The following ZMYM4 variants were observed in gnomAD, a reference collection of about 807,000 sequenced individuals.
ZMYM4 encodes the protein zinc finger MYM-type protein 4.
Under a neutral mutation model 183.2 loss-of-function variants are expected in ZMYM4, and 31 were observed. The ratio of observed to expected loss-of-function variants is 0.17; its 90% CI spans 0.13 to 0.23. The LOEUF (loss-of-function observed/expected upper bound fraction) is 0.23, where lower values mean the gene tolerates loss of function less well. ZMYM4 is among the 10% of genes least tolerant of loss of function. ZMYM4 has a pLI of 1.00. For missense variants in ZMYM4, 1,273 were observed against 1,840.3 expected (o/e 0.69, Z 5.64); for synonymous variants, 592 against 631.2 (o/e 0.94, Z 0.93).
At chr1:35,376,862 A>G (rs1644346002) in intron 7 of ZMYM4, among the ~76,000 whole-genome samples, 2 of 151,818 alleles carry the variant, frequency 1.3e-5, no homozygotes, top group African/African-American at 2.4e-5. Context: ...ACAGTATTTT[A>G]TAAAATATTT....
chr1:35,361,175 T>TG lies in ZMYM4; in HGVS notation c.608-19_608-18insG. 6.3e-7 allele frequency: 1 copy of TG among 1,575,270 alleles called. No homozygotes were observed. The highest frequency in any genetic ancestry group is 8.6e-7 in the Non-Finnish European group (1 of 1,164,954). On this transcript the variant is annotated intron_variant, in intron 3 of 29. Coordinates refer to ENST00000314607, the MANE Select transcript of ZMYM4 (RefSeq NM_005095.3). ...ATTCATATACATGTGTTTGTTTGTT[T>TG]TTTTTTTCCTTTCAATAGCTAATCA...
intron 1 of ZMYM4, among the ~76,000 whole-genome samples, chr1:35,280,465 A>G (rs1220559072): frequency 2.6e-5 from 4 of 152,080 alleles, no homozygotes; most frequent in Admixed American, 2.6e-4. Context: ...ATATTAAAGC[A>G]GCACTCCACT....
At chr1:35,381,100 T>G (rs941951341) in intron 7 of ZMYM4, among the ~76,000 whole-genome samples, 159 bp from the exon 8 acceptor site, 1 of 152,190 alleles carries the variant, frequency 6.6e-6, no homozygotes, top group African/African-American at 2.4e-5. Flanking sequence ...TCAAAGCAAT[T>G]TTTAAGTGTC....
intron 5 of ZMYM4, among the ~76,000 whole-genome samples, chr1:35,368,855 C>A (rs1486526314): frequency 1.3e-5 from 2 of 152,046 alleles, no homozygotes; most frequent in Non-Finnish European, 2.9e-5. Context: ...AGGAAAAAAT[C>A]AGTAATACTG....
chr1:35,331,499 G>GT (rs1328394204), intron 2 of ZMYM4, among the ~76,000 whole-genome samples: 4 of 151,936 alleles, frequency 2.6e-5, no homozygotes, highest in African/African-American at 4.8e-5. Flanking sequence ...TAAAATTGTG[G>GT]TGTCAGTCAG....
chr1:35,404,841 C>A, intron 23 of ZMYM4, 182 bp from the exon 24 acceptor site: 1 of 504,216 alleles, frequency 2.0e-6, no homozygotes, highest in Middle Eastern at 5.4e-4. Context: ...TTCTTCCTTC[C>A]TCATATGGAT....
chr1:35,319,908 A>G (rs1260384117), intron 1 of ZMYM4, among the ~76,000 whole-genome samples: 1 of 152,242 alleles, frequency 6.6e-6, no homozygotes, highest in Non-Finnish European at 1.5e-5. Flanking sequence ...TTTTAAATAA[A>G]CAAGTTTCAA....
chr1:35,404,842 T>G (rs765193686), intron 23 of ZMYM4, 181 bp from the exon 24 acceptor site: 8 of 510,384 alleles, frequency 1.6e-5, no homozygotes, highest in Non-Finnish European at 2.6e-5. Context: ...TCTTCCTTCC[T>G]CATATGGATT....
chr1:35,362,700 T>C (rs1643966886), intron 5 of ZMYM4, among the ~76,000 whole-genome samples: 1 of 152,144 alleles, frequency 6.6e-6, no homozygotes, highest in African/African-American at 2.4e-5. Context: ...TCTTTCTTTT[T>C]GTTTTTTCTC....
chr1:35,324,664 A>G (rs1268964199), intron 1 of ZMYM4, among the ~76,000 whole-genome samples: 1 of 152,178 alleles, frequency 6.6e-6, no homozygotes, highest in Non-Finnish European at 1.5e-5. Flanking sequence ...ACAGTAGGCA[A>G]GGTTTATCAA....
chr1:35,351,236 C>G, intron 2 of ZMYM4: 2 of 1,507,164 alleles, frequency 1.3e-6, no homozygotes, highest in Non-Finnish European at 9.2e-7. Context: ...GCTTGTCTGT[C>G]CCTCACAGTA....
In ZMYM4 at chr1:35,389,598, C is replaced by G. The variant is rs1239491797; in HGVS notation, c.2437-350C>G. 6.6e-6 allele frequency among the ~76,000 whole-genome samples: 1 copy of G among 151,590 alleles called. No homozygotes were observed. The highest frequency in any genetic ancestry group is 2.4e-5 in the African/African-American group (1 of 41,298). On this transcript the variant is annotated intron_variant, in intron 14 of 29. Transcript: ENST00000314607. The surrounding 1 kb of genome is among the most constrained non-coding windows in gnomAD (Gnocchi z 4.0). ...TGAAACCCCGTCTCTACTAAAAATACAAAAAAATTAGCTGGGTGTGGTGGC... is the reference window on the plus strand; with the variant it reads ...TGAAACCCCGTCTCTACTAAAAATAGAAAAAAATTAGCTGGGTGTGGTGGC...
chr1:35,357,779 G>A (rs142254098), intron 2 of ZMYM4, among the ~76,000 whole-genome samples: 64 of 152,202 alleles, frequency 4.2e-4, no homozygotes, highest in East Asian at 5.8e-4. Context: ...ATAGACATCC[G>A]AAATCTTATA....
chr1:35,401,763 A>G (rs557576430), intron 23 of ZMYM4, among the ~76,000 whole-genome samples: 1 of 152,180 alleles, frequency 6.6e-6, no homozygotes, highest in East Asian at 1.9e-4. Flanking sequence ...TTTGTGATCT[A>G]TTTTGAGGTA....
intron 1 of ZMYM4, among the ~76,000 whole-genome samples, chr1:35,288,769 G>A (rs1276994387): frequency 6.6e-6 from 1 of 152,156 alleles, no homozygotes; most frequent in Non-Finnish European, 1.5e-5. Context: ...TCAGAAGCAG[G>A]TTGAAATCTG....
intron 2 of ZMYM4, among the ~76,000 whole-genome samples, chr1:35,333,808 G>T (rs961973671): frequency 6.6e-6 from 1 of 151,918 alleles, no homozygotes; most frequent in African/African-American, 2.4e-5. Flanking sequence ...ACTTCTCTCT[G>T]TCTTGAGTAC....
At chr1:35,358,853 T>A in intron 2 of ZMYM4, 72 bp from the exon 3 acceptor site, 1 of 1,286,210 alleles carries the variant, frequency 7.8e-7, no homozygotes, top group South Asian at 1.4e-5. Flanking sequence ...TTTGGTTAAA[T>A]ACCAGACTGA....
chr1:35,272,353 A>G (rs1275359143), intron 1 of ZMYM4, among the ~76,000 whole-genome samples: 1 of 152,252 alleles, frequency 6.6e-6, no homozygotes, highest in Non-Finnish European at 1.5e-5. Context: ...CATAAGCTAC[A>G]TGCTAGGCAT....
At chr1:35,340,485 G>A (rs1036257896) in intron 2 of ZMYM4, among the ~76,000 whole-genome samples, 3 of 151,840 alleles carry the variant, frequency 2.0e-5, no homozygotes, top group Non-Finnish European at 1.5e-5. Context: ...TGTAGAATCA[G>A]TGGGAACCCT....
Sources: gnomAD v4.1 joint callset for allele counts (sites outside exome capture counted in the v4.1 genomes callset) on GRCh38, gnomAD v4.1.1 for gene constraint, Gnocchi (gnomAD v3.1) non-coding constraint, MANE v1.5 for transcripts, NCBI Gene and HGNC (gene_info 2026-07-23, HGNC 2026-07-21) for gene names.